The following PRMT8 variants were observed in gnomAD, a reference collection of about 807,000 sequenced individuals.
The protein encoded by PRMT8 is protein arginine methyltransferase 8, also known as protein arginine N-methyltransferase 8.
In PRMT8, 7 loss-of-function variants were observed where a neutral mutation model predicts 47.1. The ratio of observed to expected loss-of-function variants is 0.15; its 90% CI spans 0.08 to 0.28. PRMT8 has a LOEUF of 0.28. PRMT8 is among the 10% of genes least tolerant of loss of function. The pLI is 1.00. For synonymous variants in PRMT8, 188 were observed against 186.5 expected (o/e 1.01, Z -0.07); for missense variants, 237 against 505.4 (o/e 0.47, Z 5.09).
At chr12:3,531,629 A>G (rs1866032117) in intron 1 of PRMT8, among the ~76,000 whole-genome samples, 1 of 152,176 alleles carries the variant, frequency 6.6e-6, no homozygotes, top group African/African-American at 2.4e-5. Flanking sequence ...AGAGACAGCC[A>G]GGGCTGGCAG....
intron 1 of PRMT8, among the ~76,000 whole-genome samples, chr12:3,391,448 C>T (rs1016418707): frequency 6.6e-6 from 1 of 152,168 alleles, no homozygotes; most frequent in Admixed American, 6.5e-5. Context: ...AGCACAAATG[C>T]CCTGGGGCAA....
At position 3,540,620 on chromosome 12, in the gene PRMT8, C is replaced by T. The variant is rs761435405; in HGVS notation, c.90C>T (p.Pro30=). Residue 30 remains proline (P), a synonymous_variant, in exon 2 of 10, where the codon CCC becomes CCT. Coordinates refer to ENST00000382622, the MANE Select transcript of PRMT8 (RefSeq NM_019854.5). ...CTTCCCCTCAGGTGAACAGCCCCCCCTCCCAGCCCCCCCAGCCCGTCGTCC... is the reference window on the plus strand; with the variant it reads ...CTTCCCCTCAGGTGAACAGCCCCCCTTCCCAGCCCCCCCAGCCCGTCGTCC... ...AAESTEVNSP[P]SQPPQPVVPA... is the part of the protein sequence containing the mutation. 4 of 1,231,766 alleles carry T rather than the reference C, an allele frequency of 3.2e-6. No individual in the cohort carries two copies. The highest frequency in any genetic ancestry group is 4.7e-5 in the East Asian group (2 of 42,922). 76.3% of individuals were successfully genotyped at this position (1,231,766 alleles called of 1,614,324 possible).
intron 8 of PRMT8, among the ~76,000 whole-genome samples, chr12:3,590,616 T>A (rs1171476560): frequency 6.8e-6 from 1 of 147,260 alleles, no homozygotes; most frequent in Non-Finnish European, 1.5e-5. Context: ...AGTCTTCTCA[T>A]CTTTATCCTT....
At chr12:3,553,430 G>C (rs2137181173) in intron 3 of PRMT8, 3 of 601,530 alleles carry the variant, frequency 5.0e-6, no homozygotes, top group East Asian at 2.8e-5. Context: ...GTGGTGACTA[G>C]ACATCAGTCT....
chr12:3,439,140 A>G (rs1196891004), intron 1 of PRMT8, among the ~76,000 whole-genome samples: 1 of 152,250 alleles, frequency 6.6e-6, no homozygotes, highest in East Asian at 1.9e-4. Flanking sequence ...TGTAGTTTAC[A>G]TTTCATTTAT....
chr12:3,414,692 T>C (rs1301706123), intron 1 of PRMT8, among the ~76,000 whole-genome samples: 1 of 151,972 alleles, frequency 6.6e-6, no homozygotes, highest in African/African-American at 2.4e-5. Context: ...GAGGATGATA[T>C]TGGGCGATAG....
In PRMT8 at chr12:3,538,308, AG is replaced by A. The variant is rs1390349248; in HGVS notation, c.76-2297del. 4.6e-6 allele frequency: 1 copy of A among 218,520 alleles called. No homozygotes were observed. The highest frequency in any genetic ancestry group is 9.3e-6 in the Non-Finnish European group (1 of 107,200). 13.5% of individuals were successfully genotyped at this position (218,520 alleles called of 1,614,324 possible). A position where few individuals can be genotyped will look rare whatever the true frequency, so the allele number is the denominator to read the frequency against. On this transcript the variant is annotated intron_variant, in intron 1 of 9. Transcript: ENST00000382622. The surrounding 1 kb of genome is among the most constrained non-coding windows in gnomAD (Gnocchi z 4.6). ...ATCTATCAGAGACAATAAGGGTCTT[AG>A]AATCTAGAAAACAGGGTCCTGGGAG...
At chr12:3,559,956 A>C (rs575180954) in intron 4 of PRMT8, among the ~76,000 whole-genome samples, 9 of 152,312 alleles carry the variant, frequency 5.9e-5, no homozygotes, top group Admixed American at 2.6e-4. Context: ...AGGCTTGAAG[A>C]GTGCAAACCT....
At position 3,538,922 on chromosome 12, in the gene PRMT8, C is replaced by G. The variant is rs1413795538; in HGVS notation, c.76-1684C>G. Among the ~76,000 whole-genome samples, 1 of 152,196 alleles carries G rather than the reference C, an allele frequency of 6.6e-6. No homozygotes were observed. Among genetic ancestry groups the G allele is most frequent in the East Asian group, 1.9e-4 (1 of 5,192 alleles). On this transcript the variant is annotated intron_variant, in intron 1 of 9. Transcript: ENST00000382622. The surrounding 1 kb of genome is among the most constrained non-coding windows in gnomAD (Gnocchi z 4.6). Reference sequence around the variant, plus strand: ...CTGCTTATTTCCCAAGGGCGGTAGCCTAGGTACACTGGGAAGATGGGACCA... The same window carrying G: ...CTGCTTATTTCCCAAGGGCGGTAGCGTAGGTACACTGGGAAGATGGGACCA...
intron 1 of PRMT8, chr12:3,468,934 A>T (rs559269390): frequency 1.3e-4 from 27 of 214,140 alleles, no homozygotes; most frequent in Admixed American, 3.0e-4. Context: ...TCCTCTCTCC[A>T]GTCCATGCCT....
chr12:3,525,221 C>CA (rs907362731), intron 1 of PRMT8, among the ~76,000 whole-genome samples: 29 of 149,466 alleles, frequency 1.9e-4, no homozygotes, highest in South Asian at 4.3e-4. Flanking sequence ...GACTCTGTCT[C>CA]AAAAAAAAAG....
intron 1 of PRMT8, among the ~76,000 whole-genome samples, chr12:3,476,165 C>G (rs1865211273): frequency 6.6e-6 from 1 of 152,144 alleles, no homozygotes; most frequent in African/African-American, 2.4e-5. Context: ...GGGAACCAAG[C>G]AATCTGAAGG....
intron 1 of PRMT8, among the ~76,000 whole-genome samples, chr12:3,485,088 A>G (rs1401528356): frequency 6.6e-6 from 1 of 152,162 alleles, no homozygotes; most frequent in Non-Finnish European, 1.5e-5. Context: ...ACTGATGCCA[A>G]TTAAGAAAAT....
At chr12:3,542,328 C>T (rs746061154) in intron 2 of PRMT8, among the ~76,000 whole-genome samples, 15 of 152,194 alleles carry the variant, frequency 9.9e-5, no homozygotes, top group Non-Finnish European at 1.8e-4. Flanking sequence ...GCTGAGCCTG[C>T]AGCTTCTGGG....
At position 3,557,059 on chromosome 12, in the gene PRMT8, A is replaced by AT. The variant is rs1476902275; in HGVS notation, c.481+3346dup. 6.6e-6 allele frequency among the ~76,000 whole-genome samples: 1 copy of AT among 152,168 alleles called. No homozygotes were observed. Among genetic ancestry groups the AT allele is most frequent in the Non-Finnish European group, 1.5e-5 (1 of 68,034 alleles). On this transcript the variant is annotated intron_variant, in intron 4 of 9. Coordinates refer to ENST00000382622, the MANE Select transcript of PRMT8 (RefSeq NM_019854.5). The surrounding 1 kb of genome is among the most constrained non-coding windows in gnomAD (Gnocchi z 4.7). ...GCTTAGTGAAGAATGAGACAGTTGC[A>AT]TGCCAAAAAGAGAGAAGGTGAAGGG...
At chr12:3,586,732 G>A (rs1867183861) in intron 8 of PRMT8, among the ~76,000 whole-genome samples, 1 of 152,366 alleles carries the variant, frequency 6.6e-6, no homozygotes, top group South Asian at 2.1e-4. Context: ...CTGCCTCTGT[G>A]CAAGACTGCC....
At chr12:3,402,650 AAG>A (rs1410575766) in intron 1 of PRMT8, among the ~76,000 whole-genome samples, 1 of 152,246 alleles carries the variant, frequency 6.6e-6, no homozygotes, top group Non-Finnish European at 1.5e-5. Context: ...CCCCATTAAA[AAG>A]TGGGCAAAGA....
intron 1 of PRMT8, among the ~76,000 whole-genome samples, chr12:3,452,934 G>A (rs776192473): frequency 5.3e-5 from 8 of 152,182 alleles, no homozygotes; most frequent in African/African-American, 9.7e-5. Context: ...CCCATTGACC[G>A]ACAGGCAGAG....
chr12:3,396,970 C>A (rs928637921), intron 1 of PRMT8, among the ~76,000 whole-genome samples: 32 of 151,894 alleles, frequency 2.1e-4, no homozygotes, highest in Non-Finnish European at 4.1e-4. Flanking sequence ...ATTTCATCTT[C>A]CATCGCTGAT....
Sources: gnomAD v4.1 joint callset for allele counts (sites outside exome capture counted in the v4.1 genomes callset) on GRCh38, gnomAD v4.1.1 for gene constraint, Gnocchi (gnomAD v3.1) non-coding constraint, MANE v1.5 for transcripts, NCBI Gene and HGNC (gene_info 2026-07-23, HGNC 2026-07-21) for gene names.